Variants in NRXN1 observed in about 807,000 individuals in gnomAD.
NRXN1 encodes neurexin-1.
NRXN1 carries 39 observed loss-of-function variants against 150.9 expected under a neutral mutation model. That is an observed-to-expected ratio of 0.26 (90% CI 0.20 to 0.34). NRXN1 has a LOEUF of 0.34. NRXN1 is among the 10% of genes least tolerant of loss of function. The pLI is 1.00. For synonymous variants in NRXN1, 924 were observed against 757.0 expected (o/e 1.22, Z -3.62); for missense variants, 1,815 against 1,949.9 (o/e 0.93, Z 1.30).
intron 17 of NRXN1, among the ~76,000 whole-genome samples, chr2:50,434,362 G>A (rs1245231571): frequency 1.3e-5 from 2 of 152,026 alleles, no homozygotes; most frequent in African/African-American, 2.4e-5. Context: ...GATTACAGGC[G>A]TGAGCCACCT....
In NRXN1 at chr2:50,784,064, T is replaced by C. The variant is rs527341112; in HGVS notation, c.832+137805A>G. On this transcript the variant is annotated intron_variant, in intron 5 of 22. Coordinates refer to ENST00000401669, the MANE Select transcript of NRXN1 (RefSeq NM_001330078.2). ...TCTGGAAAATGGTATCCAGGTAATA[T>C]TGTGGTTTTGTTAGTTAAAAGTATA... Among the ~76,000 whole-genome samples the C allele has an allele frequency of 3.3e-5, 5 of 152,238 alleles. No individual in the cohort carries two copies. In the East Asian group the frequency reaches 5.8e-4, roughly 18 times the overall value.
At chr2:50,601,386 G>T (rs947274287) in intron 8 of NRXN1, among the ~76,000 whole-genome samples, 1 of 152,132 alleles carries the variant, frequency 6.6e-6, no homozygotes, top group Non-Finnish European at 1.5e-5. Context: ...ATAATACGTG[G>T]TTTGACATGC....
chr2:50,285,230 T>C (rs2071978658), intron 17 of NRXN1, among the ~76,000 whole-genome samples: 1 of 152,194 alleles, frequency 6.6e-6, no homozygotes, highest in Admixed American at 6.5e-5. Context: ...ATTTGAAAGA[T>C]TATTGCAAGC....
At chr2:50,352,249 G>A (rs2153001938) in intron 17 of NRXN1, among the ~76,000 whole-genome samples, 1 of 152,200 alleles carries the variant, frequency 6.6e-6, no homozygotes, top group Non-Finnish European at 1.5e-5. Flanking sequence ...GAGAGTGAGT[G>A]GAAGAGGGAG....
At chr2:49,983,635 T>C (rs1000308710) in intron 21 of NRXN1, among the ~76,000 whole-genome samples, 1 of 152,168 alleles carries the variant, frequency 6.6e-6, no homozygotes, top group African/African-American at 2.4e-5. Context: ...TCAGAAAATG[T>C]CTTTTTCTAG....
At chr2:50,452,897 C>A (rs964293101) in intron 17 of NRXN1, among the ~76,000 whole-genome samples, 1 of 152,126 alleles carries the variant, frequency 6.6e-6, no homozygotes, top group Non-Finnish European at 1.5e-5. Context: ...TCTCCTCACA[C>A]TGGAGGGAAA....
At chr2:50,973,450 T>C (rs1246479665) in intron 2 of NRXN1, among the ~76,000 whole-genome samples, 1 of 152,168 alleles carries the variant, frequency 6.6e-6, no homozygotes, top group African/African-American at 2.4e-5. Context: ...TAATCCTCTA[T>C]TTCTGCAACA....
At chr2:50,798,858 C>A (rs376114262) in intron 5 of NRXN1, among the ~76,000 whole-genome samples, 1 of 152,114 alleles carries the variant, frequency 6.6e-6, no homozygotes, top group African/African-American at 2.4e-5. Flanking sequence ...ATTAGAAGAT[C>A]TTGCTAAAAA....
At chr2:50,834,701 T>C (rs1671866779) in intron 5 of NRXN1, among the ~76,000 whole-genome samples, 1 of 152,180 alleles carries the variant, frequency 6.6e-6, no homozygotes, top group Non-Finnish European at 1.5e-5. Flanking sequence ...CTGTATTAGA[T>C]AAGAAGTTCT....
chr2:50,169,536 A>T (rs1389807769), intron 18 of NRXN1, among the ~76,000 whole-genome samples: 2 of 151,998 alleles, frequency 1.3e-5, no homozygotes, highest in African/African-American at 4.8e-5. Context: ...AACACAGTGA[A>T]ACCCCATCTC....
At position 50,373,401 on chromosome 2, in the gene NRXN1, C is replaced by A. The variant is rs1036401044; in HGVS notation, c.3364+92041G>T. 2.7e-5 allele frequency among the ~76,000 whole-genome samples: 4 copies of A among 149,428 alleles called. No homozygotes were observed. The South Asian group carries it at 8.4e-4, about 31-fold the overall frequency. ...GATAAAAATTGTTGTTGATATTCCT[C>A]TTCCACTCCCGGCAGCTGGATCTCT... On this transcript the variant is annotated intron_variant, in intron 17 of 22. Coordinates refer to ENST00000401669, the MANE Select transcript of NRXN1 (RefSeq NM_001330078.2).
chr2:50,509,351 A>G (rs141836138), intron 12 of NRXN1, among the ~76,000 whole-genome samples: 238 of 152,250 alleles, frequency 1.6e-3, no homozygotes, highest in African/African-American at 5.6e-3. Context: ...CAAATCCTAC[A>G]CACCCTCTGC....
intron 5 of NRXN1, among the ~76,000 whole-genome samples, chr2:50,673,919 T>C (rs1055287414): frequency 6.6e-6 from 1 of 152,096 alleles, no homozygotes; most frequent in Middle Eastern, 3.4e-3. Flanking sequence ...GAAACCATCA[T>C]TCTCATCAAA....
intron 22 of NRXN1, among the ~76,000 whole-genome samples, chr2:49,922,978 CA>C (rs930790317): frequency 6.6e-6 from 1 of 152,016 alleles, no homozygotes; most frequent in Non-Finnish European, 1.5e-5. Context: ...ATTTTTTGGT[CA>C]AAACTCTGAA....
At chr2:50,620,001 T>C in intron 8 of NRXN1, 21 bp downstream of exon 8, 17 of 1,548,968 alleles carry the variant, frequency 1.1e-5, no homozygotes, top group Non-Finnish European at 1.5e-5. Context: ...TAGGAATGAT[T>C]CTGATGGCAA....
chr2:50,409,162 A>G (rs141705527), intron 17 of NRXN1, among the ~76,000 whole-genome samples: 13 of 152,228 alleles, frequency 8.5e-5, no homozygotes, highest in African/African-American at 2.6e-4. Flanking sequence ...TCTCTGCCAA[A>G]TGCTGTAAAA....
chr2:50,725,976 A>T (rs1035348878), intron 5 of NRXN1, among the ~76,000 whole-genome samples: 2 of 152,234 alleles, frequency 1.3e-5, no homozygotes, highest in Admixed American at 6.5e-5. Context: ...GTTGCTTATG[A>T]TTTAAACAAA....
chr2:50,056,989 C>G (rs1217610755), intron 19 of NRXN1, among the ~76,000 whole-genome samples: 2 of 152,100 alleles, frequency 1.3e-5, no homozygotes, highest in South Asian at 4.1e-4. Flanking sequence ...CCATCCGAAT[C>G]TAGGTCGCAA....
chr2:50,427,968 CAGA>C (rs1394920981), intron 17 of NRXN1, among the ~76,000 whole-genome samples: 2 of 152,106 alleles, frequency 1.3e-5, no homozygotes, highest in African/African-American at 4.8e-5. Context: ...TGTTGGCGAA[CAGA>C]AGAATTAGAA....
Sources: gnomAD v4.1 joint callset for allele counts (sites outside exome capture counted in the v4.1 genomes callset) on GRCh38, gnomAD v4.1.1 for gene constraint, MANE v1.5 for transcripts, NCBI Gene and HGNC (gene_info 2026-07-23, HGNC 2026-07-21) for gene names.